Variants in CEP63 observed in about 807,000 individuals in gnomAD.
CEP63 encodes the protein centrosomal protein 63.
In CEP63, 84 loss-of-function variants were observed where a neutral mutation model predicts 89.1. That is an observed-to-expected ratio of 0.94 (90% CI 0.79 to 1.13). CEP63 has a LOEUF of 1.13. Ranked by LOEUF, CEP63 falls within the 50% of genes most tolerant of loss-of-function variation. CEP63 has a pLI of 0.00. For synonymous variants in CEP63, 267 were observed against 272.5 expected, an observed-to-expected ratio of 0.98 and a Z score of 0.20; for missense variants, 838 against 813.3, an observed-to-expected ratio of 1.03 and a Z score of -0.37.
the CEP63 span, among the ~76,000 whole-genome samples, chr3:134,754,682 T>C: frequency 6.6e-6 from 1 of 152,140 alleles, no homozygotes; most frequent in Admixed American, 6.5e-5. Context: ...CTAGGGCAGC[T>C]CTGATTTTCT....
the CEP63 span, among the ~76,000 whole-genome samples, chr3:134,631,208 C>T: frequency 6.6e-6 from 1 of 152,122 alleles, no homozygotes; most frequent in African/African-American, 2.4e-5. Flanking sequence ...TGGCAAAAGA[C>T]ATAAAACCTT....
chr3:134,673,456 G>A, the CEP63 span, among the ~76,000 whole-genome samples: 2 of 151,748 alleles, frequency 1.3e-5, no homozygotes, highest in Non-Finnish European at 2.9e-5. Context: ...CATCAAAATG[G>A]CTCTCTCACT....
chr3:134,629,606 C>T, the CEP63 span: 1 of 1,585,950 alleles, frequency 6.3e-7, no homozygotes, highest in Non-Finnish European at 8.6e-7. Flanking sequence ...CCATGAGTAC[C>T]TGTGTCATAC....
chr3:134,765,804 C>T, the CEP63 span, among the ~76,000 whole-genome samples: 1 of 152,134 alleles, frequency 6.6e-6, no homozygotes, highest in Non-Finnish European at 1.5e-5. Context: ...TCAGCATCAC[C>T]TGAGAATGAG....
chr3:134,518,261 C>T (rs9289476), intron 3 of CEP63, among the ~76,000 whole-genome samples: 96,305 of 151,998 alleles, frequency 0.63, 31,236 homozygotes, highest in East Asian at 0.81. Context: ...AACCTCAGTT[C>T]AGGTGAAGAT....
the CEP63 span, chr3:134,608,413 TGTGA>T: frequency 2.7e-6 from 4 of 1,485,462 alleles, no homozygotes; most frequent in Non-Finnish European, 3.6e-6. Context: ...TTTATGCTAG[TGTGA>T]GTGAGCTTTT....
chr3:134,733,624 G>A, the CEP63 span, among the ~76,000 whole-genome samples: 5 of 152,192 alleles, frequency 3.3e-5, no homozygotes, highest in African/African-American at 9.7e-5. Flanking sequence ...CACAGGGAGT[G>A]GGGGAGAACG....
At chr3:134,492,340 A>G (rs770239416) in intron 1 of CEP63, among the ~76,000 whole-genome samples, 6 of 152,192 alleles carry the variant, frequency 3.9e-5, no homozygotes, top group African/African-American at 1.2e-4. Context: ...TCAAAGTGAC[A>G]TAGTGCATAG....
chr3:134,729,986 T>C, the CEP63 span, among the ~76,000 whole-genome samples: 1 of 152,058 alleles, frequency 6.6e-6, no homozygotes, highest in Non-Finnish European at 1.5e-5. Context: ...ATGAGCTGGG[T>C]GTCTAAAAGG....
At chr3:134,751,847 T>C in the CEP63 span, among the ~76,000 whole-genome samples, 1,031 of 152,282 alleles carry the variant, frequency 6.8e-3, 10 homozygotes, top group Non-Finnish European at 0.011. Flanking sequence ...TAAGACTCCA[T>C]GAAAATCCTC....
chr3:134,485,815 C>A, upstream of CEP63: 1 of 219,122 alleles, frequency 4.6e-6, no homozygotes, highest in Non-Finnish European at 7.7e-6. Context: ...CCTCCCGACA[C>A]GAGTGCAGTA....
intron 11 of CEP63, among the ~76,000 whole-genome samples, chr3:134,570,200 A>G (rs550940519): frequency 6.6e-6 from 1 of 152,326 alleles, no homozygotes; most frequent in African/African-American, 2.4e-5. Flanking sequence ...GGGGATTAAC[A>G]TTCGGCTCCT....
At chr3:134,485,839 A>C, upstream of CEP63, 1 of 310,120 alleles carries the variant, frequency 3.2e-6, no homozygotes, top group Non-Finnish European at 4.7e-6. Flanking sequence ...AAAAACGGTT[A>C]TGAGCGTAAA....
At chr3:134,739,009 G>A in the CEP63 span, among the ~76,000 whole-genome samples, 1 of 151,752 alleles carries the variant, frequency 6.6e-6, no homozygotes, top group African/African-American at 2.4e-5. Context: ...ATGAGGCCAG[G>A]GAGAGTTTGG....
At position 134,545,569 on chromosome 3, in the gene CEP63, A is replaced by T; in HGVS notation, c.556-17A>T. The T allele has an allele frequency of 6.5e-7, 1 of 1,545,644 alleles. No homozygotes were observed. Among genetic ancestry groups the T allele is most frequent in the Non-Finnish European group, 8.9e-7 (1 of 1,117,758 alleles). Reference sequence around the variant, plus strand: ...TCATTTCCCTTTTACCTATTGATTGATAGTCTGTGTTTCTAGGCTCAGCTT... The same window carrying T: ...TCATTTCCCTTTTACCTATTGATTGTTAGTCTGTGTTTCTAGGCTCAGCTT... On this transcript the variant is annotated splice_polypyrimidine_tract_variant and intron_variant, in intron 6 of 14. Coordinates refer to ENST00000675561, the MANE Select transcript of CEP63 (RefSeq NM_001353108.3).
intron 11 of CEP63, among the ~76,000 whole-genome samples, chr3:134,570,546 C>T (rs1243644555): frequency 6.6e-6 from 1 of 152,196 alleles, no homozygotes; most frequent in Non-Finnish European, 1.5e-5. Context: ...ACCAGATCAG[C>T]CTGGATTTCA....
At chr3:134,651,085 C>A in the CEP63 span, 2 of 1,530,158 alleles carry the variant, frequency 1.3e-6, no homozygotes, top group South Asian at 1.2e-5. Flanking sequence ...GGCGCTCCCC[C>A]GCCGCTGGAG....
chr3:134,685,916 G>A, the CEP63 span, among the ~76,000 whole-genome samples: 11 of 152,318 alleles, frequency 7.2e-5, 1 homozygote, highest in South Asian at 2.3e-3. Flanking sequence ...TCTGCCACGT[G>A]TTTAGGGCCT....
chr3:134,619,764 G>A, the CEP63 span, among the ~76,000 whole-genome samples: 1 of 152,346 alleles, frequency 6.6e-6, no homozygotes, highest in South Asian at 2.1e-4. Context: ...TAAGGCAGAA[G>A]TCTCTGTAGC....
Sources: allele counts gnomAD v4.1 joint callset (sites outside exome capture counted in the v4.1 genomes callset), GRCh38; gene constraint gnomAD v4.1.1; transcripts MANE v1.5; gene names NCBI Gene and HGNC (gene_info 2026-07-23, HGNC 2026-07-21).